Variants in HERC4 observed in about 807,000 individuals in gnomAD.
HERC4 encodes the protein probable E3 ubiquitin-protein ligase HERC4.
In HERC4, 28 loss-of-function variants were observed where a neutral mutation model predicts 124.3. The observed-to-expected ratio is 0.23, with a 90% CI of 0.17 to 0.31. HERC4 has a LOEUF of 0.31. Ranked by LOEUF, HERC4 falls within the 10% of genes least tolerant of loss-of-function variation. The pLI, the probability that HERC4 is intolerant of heterozygous loss-of-function variation, is 1.00. For synonymous variants in HERC4, 407 were observed against 421.5 expected, an observed-to-expected ratio of 0.97 and a Z score of 0.42; for missense variants, 713 against 1,229.3, an observed-to-expected ratio of 0.58 and a Z score of 6.28.
At chr10:67,981,697 C>T (rs1356031359) in intron 15 of HERC4, among the ~76,000 whole-genome samples, 3 of 152,308 alleles carry the variant, frequency 2.0e-5, no homozygotes, top group East Asian at 1.9e-4. Flanking sequence ...TGGTTCACAC[C>T]GGGTAATCCC....
intron 7 of HERC4, among the ~76,000 whole-genome samples, chr10:68,029,733 T>C (rs1383779813): frequency 6.7e-6 from 1 of 148,880 alleles, no homozygotes; most frequent in Non-Finnish European, 1.5e-5. Context: ...TTTACATATA[T>C]ATATAACACT....
At chr10:67,948,478 CA>C (rs2033553878) in intron 19 of HERC4, among the ~76,000 whole-genome samples, 1 of 152,036 alleles carries the variant, frequency 6.6e-6, no homozygotes, top group Non-Finnish European at 1.5e-5. Context: ...AATGCAATAC[CA>C]CCTTACTCCC....
chr10:67,942,811 C>T (rs1248036576), intron 19 of HERC4, among the ~76,000 whole-genome samples: 5 of 152,294 alleles, frequency 3.3e-5, no homozygotes, highest in East Asian at 1.9e-4. Context: ...GCGCCAGCTC[C>T]TGTTCCAGTT....
At chr10:67,991,532 T>C (rs995640189) in intron 11 of HERC4, among the ~76,000 whole-genome samples, 1 of 152,210 alleles carries the variant, frequency 6.6e-6, no homozygotes, top group Non-Finnish European at 1.5e-5. Flanking sequence ...AAACATTTTA[T>C]ATTGGCAGTG....
chr10:67,979,724 T>C (rs1211394799), intron 15 of HERC4, among the ~76,000 whole-genome samples: 1 of 152,132 alleles, frequency 6.6e-6, no homozygotes, highest in East Asian at 1.9e-4. Context: ...CTGGGCGCAG[T>C]AGCTCACACC....
At chr10:68,069,213 TA>T (rs1375596283) in intron 3 of HERC4, 1 of 960,882 alleles carries the variant, frequency 1.0e-6, no homozygotes, top group South Asian at 4.8e-5. Flanking sequence ...TTTGAAAGTA[TA>T]AAAAAACAAC....
intron 22 of HERC4, among the ~76,000 whole-genome samples, chr10:67,935,391 C>T (rs960885534): frequency 1.7e-4 from 26 of 152,180 alleles, no homozygotes; most frequent in African/African-American, 5.1e-4. Flanking sequence ...GTGATCCGCC[C>T]GCCTCGGCCT....
At chr10:67,936,615 C>G (rs1284091040) in intron 21 of HERC4, among the ~76,000 whole-genome samples, 1 of 152,216 alleles carries the variant, frequency 6.6e-6, no homozygotes, top group East Asian at 1.9e-4. Context: ...TCCCACATGA[C>G]AACTGCTACT....
At chr10:67,941,366 T>G (rs983017231) in intron 19 of HERC4, among the ~76,000 whole-genome samples, 1 of 151,088 alleles carries the variant, frequency 6.6e-6, no homozygotes, top group Non-Finnish European at 1.5e-5. Flanking sequence ...AACTGTTTTC[T>G]CCCAGACATA....
In HERC4 at chr10:68,073,114, TA is replaced by T; in HGVS notation, c.-7del. Reference sequence around the variant, plus strand: ...GCATTTCCCCAGCACAACATGCTTGTAATTATTTTGGTCTTCCAGTTTCAAT... The same window carrying T: ...GCATTTCCCCAGCACAACATGCTTGTATTATTTTGGTCTTCCAGTTTCAAT... On this transcript the variant is annotated 5_prime_UTR_variant, in exon 3 of 25. Coordinates refer to ENST00000373700, the MANE Select transcript of HERC4 (RefSeq NM_015601.4). 6.2e-7 allele frequency: 1 copy of T among 1,606,926 alleles called. No homozygotes were observed. The highest frequency in any genetic ancestry group is 8.5e-7 in the Non-Finnish European group (1 of 1,177,020).
intron 3 of HERC4, among the ~76,000 whole-genome samples, chr10:68,049,590 C>CAAAAAA (rs766514516): frequency 0.033 from 1,367 of 41,886 alleles, 174 homozygotes; most frequent in African/African-American, 0.093. Flanking sequence ...GACACTGCCA[C>CAAAAAA]AAAAAAAAAA....
At chr10:67,981,955 A>G (rs1012521639) in intron 15 of HERC4, among the ~76,000 whole-genome samples, 6 of 152,208 alleles carry the variant, frequency 3.9e-5, no homozygotes, top group Admixed American at 1.3e-4. Context: ...AAAAGAAAAA[A>G]AGAAAAACTA....
intron 9 of HERC4, chr10:68,010,907 T>C (rs2037912462): frequency 9.0e-6 from 12 of 1,334,368 alleles, no homozygotes; most frequent in Admixed American, 1.9e-5. Context: ...TATCCTAAGA[T>C]TGCAGCAATT....
chr10:68,062,483 G>A (rs533467041), intron 3 of HERC4, among the ~76,000 whole-genome samples: 25 of 152,142 alleles, frequency 1.6e-4, no homozygotes, highest in African/African-American at 4.8e-4. Context: ...GGCCGGGCAC[G>A]GTGGCTCACG....
At chr10:68,002,786 G>A (rs538592367) in intron 9 of HERC4, among the ~76,000 whole-genome samples, 1 of 151,984 alleles carries the variant, frequency 6.6e-6, no homozygotes, top group Admixed American at 6.6e-5. Flanking sequence ...TTTTAGTTCA[G>A]ACGGAGTTTC....
At chr10:67,926,257 T>C (rs996011281) in intron 23 of HERC4, among the ~76,000 whole-genome samples, 1 of 151,920 alleles carries the variant, frequency 6.6e-6, no homozygotes, top group Non-Finnish European at 1.5e-5. Context: ...TAGCTGGGCA[T>C]GGTGGCAGGC....
intron 19 of HERC4, among the ~76,000 whole-genome samples, chr10:67,944,392 C>T (rs1006388279): frequency 1.3e-5 from 2 of 152,206 alleles, no homozygotes; most frequent in Non-Finnish European, 2.9e-5. Context: ...GCTTGGGGTG[C>T]CCCCTAATGC....
chr10:68,039,991 G>A, intron 4 of HERC4: 1 of 732,228 alleles, frequency 1.4e-6, no homozygotes, highest in Non-Finnish European at 1.7e-6. Flanking sequence ...TTTAATATTT[G>A]TCTCCTCTGC....
chr10:67,970,884 C>A (rs2035195152), intron 15 of HERC4, among the ~76,000 whole-genome samples: 1 of 151,186 alleles, frequency 6.6e-6, no homozygotes, highest in Non-Finnish European at 1.5e-5. Flanking sequence ...ATATTAAGCA[C>A]AAATCAAGCA....
Sources: gnomAD v4.1 joint callset for allele counts (sites outside exome capture counted in the v4.1 genomes callset) on GRCh38, gnomAD v4.1.1 for gene constraint, MANE v1.5 for transcripts, NCBI Gene and HGNC (gene_info 2026-07-23, HGNC 2026-07-21) for gene names.